CATSPER3: variants seen among roughly 807,000 people sequenced by gnomAD.
The protein encoded by CATSPER3 is cation channel sperm-associated protein 3.
Under a neutral mutation model 36.6 loss-of-function variants are expected in CATSPER3, and 23 were observed. That is an observed-to-expected ratio of 0.63 (90% CI 0.45 to 0.89). The LOEUF (loss-of-function observed/expected upper bound fraction) is 0.89, where lower values mean the gene tolerates loss of function less well. Among genes scored for constraint, CATSPER3 ranks in the 40% least tolerant of loss-of-function variants. The pLI is 0.00. For synonymous variants in CATSPER3, 172 were observed against 184.1 expected (o/e 0.93, Z 0.53); for missense variants, 474 against 503.9 (o/e 0.94, Z 0.57).
intron 2 of CATSPER3, among the ~76,000 whole-genome samples, chr5:134,978,638 A>C (rs570461755): frequency 6.6e-6 from 1 of 152,158 alleles, no homozygotes; most frequent in Non-Finnish European, 1.5e-5. Context: ...AAAAGAAATA[A>C]ACATGTAAAG....
intron 2 of CATSPER3, among the ~76,000 whole-genome samples, chr5:134,980,251 G>A (rs1751734081): frequency 6.6e-6 from 1 of 151,332 alleles, no homozygotes; most frequent in Non-Finnish European, 1.5e-5. Context: ...CGAAGCACTG[G>A]GGTTACAGGC....
rs764098052 is a variant in CATSPER3 at position 135,008,989 on chromosome 5, C to T, written c.816+8C>T. ...ATGATCATGCACACAGAGGTGAGGC[C>T]ACACCTGTGAGGATCGGAGGTCAGG... is the stretch of plus-strand genomic sequence containing the variant. On this transcript the variant is annotated splice_region_variant and intron_variant, in intron 5 of 7. Transcript: ENST00000282611. 5 of 1,614,024 alleles carry T rather than the reference C, an allele frequency of 3.1e-6. No homozygotes were observed. The African/African-American group carries it at 4.0e-5, about 13-fold the overall frequency.
At chr5:135,006,827 C>A (rs1752093445) in intron 3 of CATSPER3, among the ~76,000 whole-genome samples, 1 of 109,800 alleles carries the variant, frequency 9.1e-6, no homozygotes, top group Non-Finnish European at 1.8e-5. Context: ...GACAGAGCGA[C>A]TCCGTCTCGA....
chr5:134,970,135 A>G (rs1751584593), intron 2 of CATSPER3, 43 bp downstream of exon 2: 5 of 1,576,106 alleles, frequency 3.2e-6, no homozygotes, highest in Non-Finnish European at 3.5e-6. Flanking sequence ...TTTTTAAAAC[A>G]TGCTTTATTT....
intron 2 of CATSPER3, among the ~76,000 whole-genome samples, chr5:134,993,896 G>A (rs1481161061): frequency 6.6e-6 from 1 of 152,144 alleles, no homozygotes; most frequent in Non-Finnish European, 1.5e-5. Context: ...AGGCCAATGC[G>A]GGCAGATCAC....
chr5:134,969,904 G>C (rs1052340755), intron 1 of CATSPER3, 35 bp from the exon 2 acceptor site: 8 of 1,612,600 alleles, frequency 5.0e-6, no homozygotes, highest in Non-Finnish European at 6.8e-6. Flanking sequence ...GCTCTATTGT[G>C]CTGTAACCAT....
At chr5:134,989,144 C>G (rs1336204010) in intron 2 of CATSPER3, among the ~76,000 whole-genome samples, 2 of 152,172 alleles carry the variant, frequency 1.3e-5, no homozygotes. Context: ...TTCCATAAAC[C>G]ATGCTGTAAA....
chr5:134,977,574 G>C (rs1238114708), intron 2 of CATSPER3, among the ~76,000 whole-genome samples: 9 of 152,154 alleles, frequency 5.9e-5, no homozygotes, highest in Admixed American at 5.2e-4. Flanking sequence ...CAGTCTCTAA[G>C]AGGTTCCAAA....
intron 2 of CATSPER3, among the ~76,000 whole-genome samples, chr5:134,988,423 A>C (rs1015032508): frequency 8.5e-5 from 13 of 152,338 alleles, no homozygotes; most frequent in Middle Eastern, 3.4e-3. Context: ...AATATTACCC[A>C]CAGTAGAACT....
rs1275265564 is a variant in CATSPER3, at chr5:135,008,260, G to A, written c.675+121G>A. On this transcript the variant is annotated intron_variant, in intron 4 of 7. Transcript: ENST00000282611. The stretch of plus-strand genomic sequence containing the variant: ...TTTCCTCATGTCCAGGTACTCATCT[G>A]GGCCTAGGGAAGCTGGGGTCTGTTC... 44 of 813,400 alleles carry A rather than the reference G, an allele frequency of 5.4e-5. No homozygotes were observed. The Admixed American group carries it at 7.2e-4, about 13-fold the overall frequency. 50.4% of individuals were successfully genotyped at this position (813,400 alleles called of 1,614,324 possible).
At chr5:135,002,671 T>G (rs1752036001) in intron 3 of CATSPER3, among the ~76,000 whole-genome samples, 3 of 152,216 alleles carry the variant, frequency 2.0e-5, no homozygotes, top group Non-Finnish European at 4.4e-5. Context: ...TTACTCTTTT[T>G]TCTCTAAACT....
intron 2 of CATSPER3, among the ~76,000 whole-genome samples, chr5:134,973,292 A>G (rs773519891): frequency 4.6e-4 from 70 of 152,334 alleles, no homozygotes; most frequent in Non-Finnish European, 1.5e-5. Flanking sequence ...GTGAAGATAG[A>G]GTATGACTAA....
In CATSPER3 at chr5:134,970,568, A is replaced by ATTTCT. The variant is rs1554067724; in HGVS notation, c.252+479_252+480insCTTTT. 5.6e-5 allele frequency among the ~76,000 whole-genome samples: 7 copies of ATTTCT among 124,234 alleles called. No individual in the cohort carries two copies. The East Asian group carries it at 1.2e-3, about 21-fold the overall frequency. 81.5% of individuals were successfully genotyped at this position (124,234 alleles called of 152,430 possible). On this transcript the variant is annotated intron_variant, in intron 2 of 7. Transcript: ENST00000282611. The stretch of plus-strand genomic sequence containing the variant: ...AAGAGCAGCAGTGGTGACATGGTGG[A>ATTTCT]TTTTTTTTTTTTTTTTTTTTTGAGA...
rs1027052899 is a variant in CATSPER3, at chr5:135,008,070, A to G, written c.606A>G (p.Pro202=). The G allele has an allele frequency of 6.2e-7, 1 of 1,614,048 alleles. No homozygotes were observed. The highest frequency in any genetic ancestry group is 8.5e-7 in the Non-Finnish European group (1 of 1,180,012). The part of the protein sequence containing the change: ...AILGFCLFGS[P]DNGDHDNWGN... ...TGGGCTTCTGCCTGTTTGGATCTCC[A>G]GACAATGGTGACCATGATAACTGGG... Residue 202 remains proline, a synonymous_variant, in exon 4 of 8, where the codon CCA becomes CCG. Transcript: ENST00000282611.
chr5:134,983,351 A>G (rs1163513713), intron 2 of CATSPER3, among the ~76,000 whole-genome samples: 1 of 152,160 alleles, frequency 6.6e-6, no homozygotes, highest in East Asian at 1.9e-4. Flanking sequence ...CCTGGCCAAC[A>G]TGGTGAAACC....
At chr5:134,999,481 T>G (rs1372631077) in intron 3 of CATSPER3, among the ~76,000 whole-genome samples, 2 of 152,334 alleles carry the variant, frequency 1.3e-5, no homozygotes, top group East Asian at 3.9e-4. Context: ...TGGCATTGAA[T>G]CTATAAATTA....
chr5:134,980,819 T>G (rs1247191278), intron 2 of CATSPER3, among the ~76,000 whole-genome samples: 1 of 152,134 alleles, frequency 6.6e-6, no homozygotes, highest in Non-Finnish European at 1.5e-5. Context: ...CTTAAACCCT[T>G]GGACTCAAAA....
At chr5:134,989,768 CTT>C (rs947277521) in intron 2 of CATSPER3, among the ~76,000 whole-genome samples, 10 of 152,170 alleles carry the variant, frequency 6.6e-5, no homozygotes, top group South Asian at 2.1e-4. Flanking sequence ...ACTGGAATAA[CTT>C]TTAATTTTCT....
At chr5:134,994,958 C>T (rs1561461943) in intron 2 of CATSPER3, among the ~76,000 whole-genome samples, 1 of 149,296 alleles carries the variant, frequency 6.7e-6, no homozygotes, top group East Asian at 2.0e-4. Flanking sequence ...TTTCTTTCTT[C>T]CTTCCTCTCT....
Sources: allele counts gnomAD v4.1 joint callset (sites outside exome capture counted in the v4.1 genomes callset), GRCh38; gene constraint gnomAD v4.1.1; transcripts MANE v1.5; gene names NCBI Gene and HGNC (gene_info 2026-07-23, HGNC 2026-07-21).